The following SRGAP3 variants were observed in gnomAD, a reference collection of about 807,000 sequenced individuals.
The protein encoded by SRGAP3 is SLIT-ROBO Rho GTPase activating protein 3.
In SRGAP3, 39 loss-of-function variants were observed where a neutral mutation model predicts 121.1. The ratio of observed to expected loss-of-function variants is 0.32; its 90% CI spans 0.25 to 0.42. SRGAP3 has a LOEUF of 0.42. Among genes scored for constraint, SRGAP3 ranks in the 10% least tolerant of loss-of-function variants. The pLI is 1.00. For missense variants in SRGAP3, 1,213 were observed against 1,470.6 expected, an observed-to-expected ratio of 0.82 and a Z score of 2.86; for synonymous variants, 601 against 570.0, an observed-to-expected ratio of 1.05 and a Z score of -0.77.
intron 3 of SRGAP3, among the ~76,000 whole-genome samples, chr3:9,265,662 C>G (rs1010909462): frequency 9.3e-5 from 14 of 150,944 alleles, no homozygotes; most frequent in African/African-American, 3.4e-4. Context: ...CAAATCAAAA[C>G]CACAATGAGA....
chr3:9,085,034 T>C (rs1245740434), intron 3 of SRGAP3, among the ~76,000 whole-genome samples: 2 of 152,236 alleles, frequency 1.3e-5, no homozygotes, highest in African/African-American at 2.4e-5. Context: ...CACCTTGTTA[T>C]GTCTTCTCTG....
At chr3:9,158,739 A>G (rs2125071160) in intron 1 of SRGAP3, among the ~76,000 whole-genome samples, 1 of 152,240 alleles carries the variant, frequency 6.6e-6, no homozygotes, top group African/African-American at 2.4e-5. Context: ...TCCGTTCCTC[A>G]GATCCCATTT....
chr3:9,075,885 G>A (rs371448991), intron 4 of SRGAP3, among the ~76,000 whole-genome samples: 1 of 152,194 alleles, frequency 6.6e-6, no homozygotes, highest in Non-Finnish European at 1.5e-5. Context: ...ACATAGTGCC[G>A]CCAGCAGCTG....
At chr3:9,021,339 A>G (rs2125056540) in intron 14 of SRGAP3, among the ~76,000 whole-genome samples, 1 of 152,296 alleles carries the variant, frequency 6.6e-6, no homozygotes, top group Middle Eastern at 3.4e-3. Flanking sequence ...GGGCACCTAG[A>G]GAGGTTTGTG....
At chr3:9,241,064 G>A (rs1266991220) in intron 1 of SRGAP3, among the ~76,000 whole-genome samples, 1 of 152,162 alleles carries the variant, frequency 6.6e-6, no homozygotes, top group Non-Finnish European at 1.5e-5. Context: ...GGAAAGTGAG[G>A]AAGATGCTGA....
chr3:9,068,342 CT>C (rs1286772080), intron 4 of SRGAP3, among the ~76,000 whole-genome samples: 1 of 152,148 alleles, frequency 6.6e-6, no homozygotes, highest in Non-Finnish European at 1.5e-5. Flanking sequence ...GCCTAGTTTT[CT>C]TTTTTTATTT....
chr3:9,199,464 C>CTT (rs1952007969), intron 1 of SRGAP3, among the ~76,000 whole-genome samples: 2 of 152,188 alleles, frequency 1.3e-5, no homozygotes, highest in African/African-American at 4.8e-5. Flanking sequence ...TTCCAATGTC[C>CTT]TTTGTTTTTT....
chr3:9,195,255 C>T lies in SRGAP3; in HGVS notation c.67+53630G>A, dbSNP rs941018607. Among the ~76,000 whole-genome samples, 8 of 152,250 alleles carry T rather than the reference C, an allele frequency of 5.3e-5. No individual in the cohort carries two copies. In the East Asian group the frequency reaches 1.2e-3, roughly 22 times the overall value. Reference sequence around the variant, plus strand: ...GTGATGACTTTTGAATATGTATTTCCATTGTTTCAGCATTATTTACTTAAT... The same window carrying T: ...GTGATGACTTTTGAATATGTATTTCTATTGTTTCAGCATTATTTACTTAAT... On this transcript the variant is annotated intron_variant, in intron 1 of 21. Transcript: ENST00000383836.
At position 9,028,043 on chromosome 3, in the gene SRGAP3, C is replaced by CA. The variant is rs1272658552; in HGVS notation, c.1540-1049dup. ...AGGTGGGCTCTGTTCTGGAAGTCAG[C>CA]ACTAAAGACAGTTTCCATCACGGTG... On this transcript the variant is annotated intron_variant, in intron 12 of 21. Coordinates refer to ENST00000383836, the MANE Select transcript of SRGAP3 (RefSeq NM_014850.4). 2.3e-5 allele frequency: 37 copies of CA among 1,605,658 alleles called. No homozygotes were observed. In the East Asian group the frequency reaches 7.8e-4, roughly 34 times the overall value.
intron 12 of SRGAP3, 75 bp from the exon 13 acceptor site, chr3:9,027,070 TACAGACTCAAG>T: frequency 2.2e-6 from 3 of 1,364,292 alleles, no homozygotes; most frequent in Non-Finnish European, 3.2e-6. Flanking sequence ...AAACACCGAT[TACAGACTCAAG>T]CCAGAATATT....
chr3:9,151,507 G>A (rs1215524896), intron 1 of SRGAP3, among the ~76,000 whole-genome samples: 1 of 152,150 alleles, frequency 6.6e-6, no homozygotes, highest in Non-Finnish European at 1.5e-5. Context: ...TATTAATCTG[G>A]CCGACTAACG....
chr3:9,214,161 A>G (rs537874681), intron 1 of SRGAP3, among the ~76,000 whole-genome samples: 1 of 136,822 alleles, frequency 7.3e-6, no homozygotes, highest in Non-Finnish European at 1.7e-5. Context: ...CACACACAAG[A>G]ATATAAGCTC....
Position 9,026,929 on chromosome 3 carries a change from G to T in SRGAP3, c.1600+6C>A. ...GCTGAAAACACTGGCCCAAGATCCAGCTTACCATATAAATTGATGTAACGG... is the reference window on the plus strand; with the variant it reads ...GCTGAAAACACTGGCCCAAGATCCATCTTACCATATAAATTGATGTAACGG... On this transcript the variant is annotated splice_donor_region_variant and intron_variant, in intron 13 of 21. Transcript: ENST00000383836. The T allele has an allele frequency of 6.2e-7, 1 of 1,614,154 alleles. No homozygotes were observed. Among genetic ancestry groups the T allele is most frequent in the East Asian group, 2.2e-5 (1 of 44,882 alleles).
intron 1 of SRGAP3, among the ~76,000 whole-genome samples, chr3:9,204,405 C>G (rs1480116521): frequency 6.6e-6 from 1 of 152,218 alleles, no homozygotes; most frequent in African/African-American, 2.4e-5. Context: ...ACCCCGCTCA[C>G]TCCTGGGCCT....
intron 1 of SRGAP3, among the ~76,000 whole-genome samples, chr3:9,126,934 T>G (rs1243694453): frequency 6.6e-6 from 1 of 152,180 alleles, no homozygotes; most frequent in Non-Finnish European, 1.5e-5. Flanking sequence ...CGTAAATAAA[T>G]ACATGTACAA....
Position 9,013,763 on chromosome 3 carries a change from C to T in SRGAP3, c.1893G>A (p.Met631Ile), listed in dbSNP as rs763518086. The T allele has an allele frequency of 6.2e-7, 1 of 1,614,208 alleles. No individual in the cohort carries two copies. Among genetic ancestry groups the T allele is most frequent in the South Asian group, 1.1e-5 (1 of 91,076 alleles). The part of the protein sequence containing the change: ...VTLPRVVIVV[M>I]RYLFAFLNHL... Reference sequence around the variant, plus strand: ...GGTTGAGGAAAGCGAAGAGGTATCTCATGACCACAATGACCACGCGGGGAA... The same window carrying T: ...GGTTGAGGAAAGCGAAGAGGTATCTTATGACCACAATGACCACGCGGGGAA... The change falls in exon 16 of 22, where the codon ATG (methionine) becomes ATA (isoleucine). Residue 631 changes from methionine (M) to isoleucine (I), a missense_variant. Met to Ile is a conservative substitution (Grantham distance 10). Coordinates refer to ENST00000383836, the MANE Select transcript of SRGAP3 (RefSeq NM_014850.4).
chr3:9,255,472 T>C (rs9849835), intron 3 of SRGAP3, among the ~76,000 whole-genome samples: 7,241 of 152,238 alleles, frequency 0.048, 582 homozygotes, highest in African/African-American at 0.16. Flanking sequence ...TTCTCACAGG[T>C]TGGCAATCCT....
chr3:9,089,765 A>G (rs1187027576), intron 3 of SRGAP3, among the ~76,000 whole-genome samples: 3 of 152,214 alleles, frequency 2.0e-5, no homozygotes, highest in Non-Finnish European at 4.4e-5. Context: ...CTGGCCACAC[A>G]AGATCATCAG....
intron 1 of SRGAP3, among the ~76,000 whole-genome samples, chr3:9,185,310 G>A (rs1951560561): frequency 6.6e-6 from 1 of 152,076 alleles, no homozygotes; most frequent in South Asian, 2.1e-4. Context: ...TACCTACCTG[G>A]CGAGGCCAGA....
Sources: gnomAD v4.1 joint callset for allele counts (sites outside exome capture counted in the v4.1 genomes callset) on GRCh38, gnomAD v4.1.1 for gene constraint, MANE v1.5 for transcripts, NCBI Gene and HGNC (gene_info 2026-07-23, HGNC 2026-07-21) for gene names.